SUMF1: variants seen among roughly 807,000 people sequenced by gnomAD.
SUMF1 encodes formylglycine-generating enzyme.
In SUMF1, 48 loss-of-function variants were observed where a neutral mutation model predicts 47.6. The ratio of observed to expected loss-of-function variants is 1.01; its 90% CI spans 0.80 to 1.28. The LOEUF is 1.28. SUMF1 is among the 50% of genes most tolerant of loss of function. The pLI is 0.00. For synonymous variants in SUMF1, 230 were observed against 192.1 expected (o/e 1.20, Z -1.63); for missense variants, 571 against 485.4 (o/e 1.18, Z -1.66).
chr3:4,304,895 G>C (rs1442646804), intron 8 of SUMF1, among the ~76,000 whole-genome samples: 1 of 151,974 alleles, frequency 6.6e-6, no homozygotes, highest in Non-Finnish European at 1.5e-5. Context: ...ATACATGTTT[G>C]GGAGAGAGGA....
chr3:4,106,699 T>A (rs1013124340), intron 8 of SUMF1, among the ~76,000 whole-genome samples: 12 of 152,240 alleles, frequency 7.9e-5, no homozygotes, highest in African/African-American at 2.9e-4. Context: ...TGACTCTACT[T>A]GAATCCTTAA....
intron 8 of SUMF1, among the ~76,000 whole-genome samples, chr3:4,192,068 A>G (rs1695325950): frequency 6.6e-6 from 1 of 152,144 alleles, no homozygotes; most frequent in Admixed American, 6.6e-5. Flanking sequence ...ACAGAATGGC[A>G]TATGTGAAAG....
At chr3:4,056,196 A>G (rs1695189139) in intron 9 of SUMF1, among the ~76,000 whole-genome samples, 1 of 152,136 alleles carries the variant, frequency 6.6e-6, no homozygotes, top group South Asian at 2.1e-4. Context: ...AGACATCTTT[A>G]GGGACCATTA....
At chr3:4,092,262 A>T (rs754935782) in intron 8 of SUMF1, among the ~76,000 whole-genome samples, 1 of 152,106 alleles carries the variant, frequency 6.6e-6, no homozygotes, top group Non-Finnish European at 1.5e-5. Flanking sequence ...CCCCTGTCCA[A>T]AGGAGAGATA....
chr3:4,230,892 T>C (rs1696283970), intron 8 of SUMF1, among the ~76,000 whole-genome samples: 1 of 152,118 alleles, frequency 6.6e-6, no homozygotes, highest in Non-Finnish European at 1.5e-5. Flanking sequence ...ACACATATTT[T>C]TTATTTTATC....
In SUMF1 at chr3:4,067,928, G is replaced by A. The variant is rs557536165; in HGVS notation, c.1191+641C>T. On this transcript the variant is annotated intron_variant and NMD_transcript_variant, in intron 9 of 12. Coordinates refer to the SUMF1 transcript ENST00000448413. ...GATATTCAGCTCTGTAGATATTATT[G>A]TCCCTTTTTTCAGATAAAGAAACTA... is the stretch of plus-strand genomic sequence containing the variant. 8.5e-5 allele frequency among the ~76,000 whole-genome samples: 13 copies of A among 152,218 alleles called. No individual in the cohort carries two copies. In the South Asian group the frequency reaches 2.7e-3, roughly 32 times the overall value.
At chr3:4,123,261 T>G (rs568400833) in intron 8 of SUMF1, among the ~76,000 whole-genome samples, 95 of 152,194 alleles carry the variant, frequency 6.2e-4, no homozygotes, top group Non-Finnish European at 1.0e-3. Context: ...AGGACCGGTG[T>G]GTGGGAGTGA....
At position 4,041,324 on chromosome 3, in the gene SUMF1, G is replaced by A. The variant is rs1367180855; in HGVS notation, c.1191+27245C>T. The stretch of plus-strand genomic sequence containing the variant: ...TGACCTCAAGTGATCTGCCCTCCTC[G>A]GCCTCCCAAAGTGCTGAAATTACAG... On this transcript the variant is annotated intron_variant and NMD_transcript_variant, in intron 9 of 12. Transcript: ENST00000448413. 2.6e-5 allele frequency among the ~76,000 whole-genome samples: 4 copies of A among 152,186 alleles called. 1 individual carries two copies. The highest frequency in any genetic ancestry group is 3.9e-4 in the East Asian group (2 of 5,182).
intron 8 of SUMF1, among the ~76,000 whole-genome samples, chr3:4,318,279 G>A (rs1259765045): frequency 6.6e-6 from 1 of 151,540 alleles, no homozygotes; most frequent in Non-Finnish European, 1.5e-5. Flanking sequence ...TCCCAGGAAA[G>A]CAAGATTGGT....
intron 8 of SUMF1, among the ~76,000 whole-genome samples, chr3:4,374,437 T>C (rs1309774513): frequency 3.4e-5 from 5 of 148,060 alleles, no homozygotes; most frequent in African/African-American, 1.1e-4. Context: ...GGGAAGCTTA[T>C]AAAAATGTAG....
intron 7 of SUMF1, among the ~76,000 whole-genome samples, chr3:4,404,452 G>A (rs867531234): frequency 7.9e-5 from 12 of 152,114 alleles, no homozygotes; most frequent in Non-Finnish European, 1.6e-4. Flanking sequence ...TCCTCAGAAT[G>A]TCCTGATTAA....
chr3:4,223,373 G>A (rs905789756), intron 8 of SUMF1, among the ~76,000 whole-genome samples: 5 of 152,110 alleles, frequency 3.3e-5, no homozygotes, highest in Non-Finnish European at 5.9e-5. Context: ...AGTGGAGGAT[G>A]GAGATAATGG....
chr3:4,240,412 C>A (rs1696510513), intron 8 of SUMF1, among the ~76,000 whole-genome samples: 1 of 151,726 alleles, frequency 6.6e-6, no homozygotes, highest in African/African-American at 2.4e-5. Context: ...TGGATTATAG[C>A]CTATATTTTA....
At chr3:4,158,361 T>G (rs1187819808) in intron 8 of SUMF1, among the ~76,000 whole-genome samples, 1 of 151,626 alleles carries the variant, frequency 6.6e-6, no homozygotes, top group East Asian at 1.9e-4. Flanking sequence ...TTGCTTGTTT[T>G]GTGAGCTAAC....
At chr3:4,420,013 A>G (rs751182435) in intron 4 of SUMF1, 51 bp downstream of exon 4, 9 of 1,471,324 alleles carry the variant, frequency 6.1e-6, no homozygotes, top group Middle Eastern at 1.7e-4. Context: ...AGCAAAGGGT[A>G]CCTATTTTGC....
At chr3:4,245,790 C>A (rs573399289) in intron 8 of SUMF1, among the ~76,000 whole-genome samples, 3 of 152,258 alleles carry the variant, frequency 2.0e-5, no homozygotes, top group Admixed American at 2.0e-4. Context: ...CAGGCAGGGA[C>A]GTTTAAGTCT....
At chr3:4,247,589 C>T (rs1037994899) in intron 8 of SUMF1, among the ~76,000 whole-genome samples, 6 of 151,580 alleles carry the variant, frequency 4.0e-5, no homozygotes, top group South Asian at 2.1e-4. Context: ...GTAGTGCTAG[C>T]GGGGGAAGAA....
At chr3:4,294,853 T>A (rs1388390006) in intron 8 of SUMF1, among the ~76,000 whole-genome samples, 1 of 151,174 alleles carries the variant, frequency 6.6e-6, no homozygotes, top group Non-Finnish European at 1.5e-5. Context: ...AGTCAGACAC[T>A]GAGCGAGGTC....
intron 8 of SUMF1, among the ~76,000 whole-genome samples, chr3:4,115,447 T>C (rs753623763): frequency 1.3e-5 from 2 of 152,108 alleles, no homozygotes; most frequent in African/African-American, 2.4e-5. Context: ...ACAAGCAGCC[T>C]GAGGATGGCT....
Sources: gnomAD v4.1 joint callset for allele counts (sites outside exome capture counted in the v4.1 genomes callset) on GRCh38, gnomAD v4.1.1 for gene constraint, MANE v1.5 for transcripts, NCBI Gene and HGNC (gene_info 2026-07-23, HGNC 2026-07-21) for gene names.